FAAH2: variants seen among roughly 807,000 people sequenced by gnomAD.
FAAH2 encodes the protein fatty-acid amide hydrolase 2.
A neutral mutation model predicts 36.9 loss-of-function variants in FAAH2; 60 were observed. The ratio of observed to expected loss-of-function variants is 1.63; its 90% CI spans 1.32 to 2.02. FAAH2 has a LOEUF of 2.02. FAAH2 is among the 30% of genes most tolerant of loss of function. FAAH2 has a pLI of 0.00. For missense variants in FAAH2, 689 were observed against 397.5 expected, an observed-to-expected ratio of 1.73 and a Z score of -6.23; for synonymous variants, 214 against 143.8, an observed-to-expected ratio of 1.49 and a Z score of -3.49.
chrX:57,238,353 C>T, the FAAH2 span, among the ~76,000 whole-genome samples: 1 of 111,533 alleles, frequency 9.0e-6, no homozygotes, highest in Non-Finnish European at 1.9e-5. Context: ...GTATGAACAG[C>T]AATGGAGCTG....
chrX:57,471,259 G>C (rs1205692147), intron 10 of FAAH2, among the ~76,000 whole-genome samples: 3 of 111,788 alleles, frequency 2.7e-5, no homozygotes, highest in African/African-American at 9.8e-5. Context: ...AATGAGGCAA[G>C]AGAAAGGAAT....
At chrX:57,292,474 T>A (rs4030473) in intron 1 of FAAH2, 24 bp from the exon 2 acceptor site, 321,328 of 1,167,059 alleles carry the variant, frequency 0.28, 35,259 homozygotes, top group African/African-American at 0.59. Context: ...AAATGGCTGC[T>A]GACTAAAGTA....
the FAAH2 span, among the ~76,000 whole-genome samples, chrX:57,214,854 G>A: frequency 9.0e-6 from 1 of 110,720 alleles, no homozygotes; most frequent in South Asian, 3.8e-4. Context: ...TTCATTATTT[G>A]GTACCTGAAT....
In FAAH2 at chrX:57,373,122, A is replaced by G. The variant is rs752406965; in HGVS notation, c.743-5529A>G. 1.5e-4 allele frequency among the ~76,000 whole-genome samples: 17 copies of G among 111,607 alleles called. No individual in the cohort carries two copies. The South Asian group carries it at 6.0e-3, about 39-fold the overall frequency. On this transcript the variant is annotated intron_variant, in intron 5 of 10. Coordinates refer to ENST00000374900, the MANE Select transcript of FAAH2 (RefSeq NM_174912.4). ...ATGGTATATCATATTTTCTTTACCTATTCATTGACTGATGGGGATTTGGGC... is the reference window on the plus strand; with the variant it reads ...ATGGTATATCATATTTTCTTTACCTGTTCATTGACTGATGGGGATTTGGGC...
intron 10 of FAAH2, among the ~76,000 whole-genome samples, chrX:57,454,092 G>T (rs1361605883): frequency 9.8e-6 from 1 of 102,180 alleles, no homozygotes; most frequent in African/African-American, 3.3e-5. Context: ...GAGGACTACT[G>T]TCATCTTGGC....
At chrX:57,441,196 G>T (rs1199119593) in intron 8 of FAAH2, among the ~76,000 whole-genome samples, 2 of 111,506 alleles carry the variant, frequency 1.8e-5, no homozygotes, top group African/African-American at 6.5e-5. Flanking sequence ...GCTCCTCTTT[G>T]TACCTCTGGT....
At chrX:57,380,274 C>A (rs919167209) in intron 6 of FAAH2, among the ~76,000 whole-genome samples, 20 of 111,268 alleles carry the variant, frequency 1.8e-4, no homozygotes, top group African/African-American at 6.5e-4. Context: ...TCTACCCTTG[C>A]CACTTCAACC....
At chrX:57,250,830 A>G in the FAAH2 span, among the ~76,000 whole-genome samples, 5 of 111,178 alleles carry the variant, frequency 4.5e-5, no homozygotes, top group African/African-American at 1.6e-4. Context: ...AAATATGAAC[A>G]GACTAACAAT....
intron 10 of FAAH2, among the ~76,000 whole-genome samples, chrX:57,480,032 G>T (rs1309948418): frequency 1.8e-5 from 2 of 111,316 alleles, no homozygotes; most frequent in African/African-American, 6.5e-5. Flanking sequence ...TAAATTCCTC[G>T]ACACATACAC....
intron 10 of FAAH2, among the ~76,000 whole-genome samples, chrX:57,467,269 A>G (rs2057068144): frequency 9.0e-6 from 1 of 110,910 alleles, no homozygotes; most frequent in Admixed American, 9.6e-5. Context: ...CAGCGGGTGC[A>G]GTGCAATGAG....
intron 5 of FAAH2, among the ~76,000 whole-genome samples, chrX:57,367,180 TG>T (rs1412621953): frequency 8.9e-6 from 1 of 112,941 alleles, no homozygotes; most frequent in African/African-American, 3.2e-5. Context: ...TCAGATAAGA[TG>T]TTGATTATTA....
chrX:57,398,122 C>A (rs749639474), intron 7 of FAAH2, among the ~76,000 whole-genome samples: 1 of 109,695 alleles, frequency 9.1e-6, no homozygotes, highest in Admixed American at 9.7e-5. Context: ...ACTAGAAATA[C>A]CATTTGACCC....
At chrX:57,126,829 A>T in the FAAH2 span, 3 of 112,022 alleles carry the variant, frequency 2.7e-5, no homozygotes, top group African/African-American at 9.7e-5. Flanking sequence ...TCTGAAAAAA[A>T]AATCTTTACT....
intron 2 of FAAH2, among the ~76,000 whole-genome samples, chrX:57,300,971 G>A (rs1163070611): frequency 9.0e-6 from 1 of 111,647 alleles, no homozygotes; most frequent in Non-Finnish European, 1.9e-5. Context: ...AACAGGTGCT[G>A]GAGAGGATGT....
At chrX:57,352,111 T>C (rs865838080) in intron 5 of FAAH2, among the ~76,000 whole-genome samples, 6 of 41,081 alleles carry the variant, frequency 1.5e-4, no homozygotes, top group East Asian at 7.9e-4. Flanking sequence ...TATATATGTG[T>C]ATATATATGC....
chrX:57,489,024 G>A lies in FAAH2; in HGVS notation c.*92G>A, dbSNP rs1248870687. The A allele has an allele frequency of 7.7e-6, 7 of 911,590 alleles. No homozygotes were observed. Among genetic ancestry groups the A allele is most frequent in the South Asian group, 6.7e-5 (2 of 29,671 alleles). The allele number at this position is 911,590 out of a possible 1,213,427, so 75.1% of individuals were successfully genotyped here. A position where few individuals can be genotyped will look rare whatever the true frequency, so the allele number is the denominator to read the frequency against. The stretch of plus-strand genomic sequence containing the variant: ...GGTGAAATCAAGCACCAGCAGACAA[G>A]CAGAGAAACAACTGGGGAATTTATT... On this transcript the variant is annotated 3_prime_UTR_variant, in exon 11 of 11. Transcript: ENST00000374900.
At chrX:57,214,891 G>C in the FAAH2 span, among the ~76,000 whole-genome samples, 2 of 109,589 alleles carry the variant, frequency 1.8e-5, no homozygotes, top group Non-Finnish European at 3.8e-5. Context: ...TCTAACACTC[G>C]TCAGTATCTA....
chrX:57,462,705 C>T (rs924160749), intron 10 of FAAH2, among the ~76,000 whole-genome samples: 1 of 112,430 alleles, frequency 8.9e-6, no homozygotes, highest in African/African-American at 3.2e-5. Flanking sequence ...CAATATCATA[C>T]CAAATAGGTA....
chrX:57,353,281 G>A (rs1392389139), intron 5 of FAAH2, among the ~76,000 whole-genome samples: 2 of 109,237 alleles, frequency 1.8e-5, no homozygotes, highest in African/African-American at 6.6e-5. Flanking sequence ...AGAGAACCCA[G>A]AAATAAAGCC....
Sources: allele counts gnomAD v4.1 joint callset (sites outside exome capture counted in the v4.1 genomes callset), GRCh38; gene constraint gnomAD v4.1.1; transcripts MANE v1.5; gene names NCBI Gene and HGNC (gene_info 2026-07-23, HGNC 2026-07-21).